The following UBAC1 variants were observed in gnomAD, a reference collection of about 807,000 sequenced individuals.
The protein encoded by UBAC1 is ubiquitin-associated domain-containing protein 1.
Under a neutral mutation model 45.9 loss-of-function variants are expected in UBAC1, and 27 were observed. That is an observed-to-expected ratio of 0.59 (90% confidence interval 0.43 to 0.81). UBAC1 has a LOEUF of 0.81. Among genes scored for constraint, UBAC1 ranks in the 30% least tolerant of loss-of-function variants. UBAC1 has a pLI of 0.00. For missense variants in UBAC1, 529 were observed against 539.2 expected (o/e 0.98, Z 0.19); for synonymous variants, 227 against 215.5 (o/e 1.05, Z -0.47).
chr9:135,938,220 A>G lies in UBAC1; in HGVS notation c.1102+2T>C. On this transcript the variant is annotated splice_donor_variant, in intron 9 of 9. Transcript: ENST00000371756. LOFTEE classifies it high-confidence loss of function. Reference sequence around the variant, plus strand: ...GACTTAGCATAAAGAAGGCGCACATACCTAGCAATGTTTTCGGGTTGGTCA... The same window carrying G: ...GACTTAGCATAAAGAAGGCGCACATGCCTAGCAATGTTTTCGGGTTGGTCA... 6.2e-7 allele frequency: 1 copy of G among 1,613,578 alleles called. No homozygotes were observed. The highest frequency in any genetic ancestry group is 8.5e-7 in the Non-Finnish European group (1 of 1,179,816).
intron 7 of UBAC1, among the ~76,000 whole-genome samples, chr9:135,941,503 G>A (rs1207839250): frequency 6.6e-6 from 1 of 152,212 alleles, no homozygotes; most frequent in African/African-American, 2.4e-5. Flanking sequence ...AACTCTGGAA[G>A]AACCCACCGC....
rs547266280 is a variant in UBAC1 at position 135,933,175 on chromosome 9, AC to A, written c.*224del. 85 of 523,392 alleles carry A rather than the reference AC, an allele frequency of 1.6e-4. 1 individual carries two copies. The South Asian group carries it at 1.9e-3, about 12-fold the overall frequency. 32.4% of individuals were successfully genotyped at this position (523,392 alleles called of 1,614,324 possible). On this transcript the variant is annotated 3_prime_UTR_variant, in exon 10 of 10. Transcript: ENST00000371756. ...CATCACTCCACTTCCCAGTGCGACA[AC>A]CACTTTTTTGTAAACACCTGTCAGA... is the stretch of plus-strand genomic sequence containing the variant.
Position 135,933,550 on chromosome 9 carries a change from GC to G in UBAC1, c.1103-36del, listed in dbSNP as rs762792820. ...AAACAGAGCCAGCCTGAGTGCCCAC[GC>G]CCCCACTCAGCCCACAGGCACAGGC... is the stretch of plus-strand genomic sequence containing the variant. On this transcript the variant is annotated intron_variant, in intron 9 of 9. Coordinates refer to ENST00000371756, the MANE Select transcript of UBAC1 (RefSeq NM_016172.3). 3.9e-6 allele frequency: 6 copies of G among 1,522,178 alleles called. 1 individual carries two copies. The South Asian group carries it at 6.7e-5, about 17-fold the overall frequency. 94.3% of individuals were successfully genotyped at this position (1,522,178 alleles called of 1,614,324 possible). A position where few individuals can be genotyped will look rare whatever the true frequency, so the allele number is the denominator to read the frequency against.
chr9:135,952,431 C>T (rs1178390088), intron 3 of UBAC1, among the ~76,000 whole-genome samples: 3 of 152,246 alleles, frequency 2.0e-5, no homozygotes, highest in Non-Finnish European at 2.9e-5. Context: ...ATGCTCGGCA[C>T]GGGCTCAGGC....
chr9:135,940,307 C>T (rs1054575861), intron 7 of UBAC1, among the ~76,000 whole-genome samples: 29 of 151,704 alleles, frequency 1.9e-4, no homozygotes, highest in East Asian at 3.9e-4. Context: ...GGGCCGGGCG[C>T]GGTGGCTCAC....
At chr9:135,946,437 G>C (rs1232092644) in intron 4 of UBAC1, 66 bp from the exon 5 acceptor site, 5 of 1,017,110 alleles carry the variant, frequency 4.9e-6, no homozygotes, top group Non-Finnish European at 7.8e-6. Context: ...TCTATGACTT[G>C]CTCCCCTGTC....
chr9:135,954,661 A>C (rs1839445135), intron 2 of UBAC1, among the ~76,000 whole-genome samples: 1 of 152,234 alleles, frequency 6.6e-6, no homozygotes, highest in Non-Finnish European at 1.5e-5. Context: ...TAACCGGCTC[A>C]GTTCTGAAAA....
intron 9 of UBAC1, among the ~76,000 whole-genome samples, chr9:135,937,033 A>G (rs1429703882): frequency 1.3e-5 from 2 of 152,342 alleles, no homozygotes; most frequent in African/African-American, 2.4e-5. Flanking sequence ...TCTCACAGCC[A>G]AGGTTCTACA....
Position 135,961,032 on chromosome 9 carries a change from A to G in UBAC1, c.131T>C (p.Leu44Pro). 1 of 1,564,384 alleles carries G rather than the reference A, an allele frequency of 6.4e-7. No individual in the cohort carries two copies. Among genetic ancestry groups the G allele is most frequent in the South Asian group, 1.2e-5 (1 of 86,518 alleles). The change falls in exon 1 of 10, where the codon CTC (leucine) becomes CCC (proline). Residue 44 changes from leucine to proline, a missense_variant. Coordinates refer to ENST00000371756, the MANE Select transcript of UBAC1 (RefSeq NM_016172.3). ...TSVEKLKERC[L>P]KHCAHGSLED... ...GAGGGGGCCCGGCCTTACGTGCTTG[A>G]GGCAGCGCTCCTTGAGCTTCTCCAC...
chr9:135,947,948 G>A (rs1209370677), intron 3 of UBAC1, 43 bp from the exon 4 acceptor site: 3 of 1,563,162 alleles, frequency 1.9e-6, no homozygotes, highest in Non-Finnish European at 8.7e-7. Context: ...GAACGTAAGA[G>A]CAGCAAAAAG....
At chr9:135,934,635 G>T (rs570104915) in intron 9 of UBAC1, among the ~76,000 whole-genome samples, 1 of 152,260 alleles carries the variant, frequency 6.6e-6, no homozygotes, top group Admixed American at 6.5e-5. Flanking sequence ...ACTCCAGCCT[G>T]GGCAGCAGAG....
In UBAC1 at chr9:135,961,111, T is replaced by G. The variant is rs771075771; in HGVS notation, c.52A>C (p.Ile18Leu). Residue 18 changes from isoleucine to leucine, a missense_variant, in exon 1 of 10, where the codon ATC becomes CTC. Ile to Leu is a conservative substitution (Grantham distance 5, BLOSUM62 2). Coordinates refer to ENST00000371756, the MANE Select transcript of UBAC1 (RefSeq NM_016172.3). ...CACTCGGCGCCGTCGGACGCGCAGATGTGCAGCCGCAGCACCTTGCCCGCG... is the reference window on the plus strand; with the variant it reads ...CACTCGGCGCCGTCGGACGCGCAGAGGTGCAGCCGCAGCACCTTGCCCGCG... ...IFAGKVLRLHICASDGAEWLE... is the reference protein window; with the variant it reads ...IFAGKVLRLHLCASDGAEWLE... The G allele has an allele frequency of 3.3e-5, 52 of 1,590,620 alleles. No individual in the cohort carries two copies. Among genetic ancestry groups the G allele is most frequent in the Middle Eastern group, 3.4e-4 (2 of 5,930 alleles).
At chr9:135,948,088 G>A (rs984869244) in intron 3 of UBAC1, 183 bp from the exon 4 acceptor site, 19 of 580,558 alleles carry the variant, frequency 3.3e-5, no homozygotes, top group East Asian at 5.9e-5. Flanking sequence ...GACAGCAGAC[G>A]TGTCCTCAGC....
rs1193230623 is a variant in UBAC1, at chr9:135,959,439, A to G, written c.138+1586T>C. Among the ~76,000 whole-genome samples the G allele has an allele frequency of 2.9e-5, 4 of 137,260 alleles. No homozygotes were observed. In the South Asian group the frequency reaches 9.1e-4, roughly 31 times the overall value. 90.0% of individuals were successfully genotyped at this position (137,260 alleles called of 152,430 possible). A position where few individuals can be genotyped will look rare whatever the true frequency, so the allele number is the denominator to read the frequency against. ...CGCCAGGCTGGAGTGCAGTGGCGCGATCTCATCTCACTGCAACCTCCGCCT... is the reference window on the plus strand; with the variant it reads ...CGCCAGGCTGGAGTGCAGTGGCGCGGTCTCATCTCACTGCAACCTCCGCCT... On this transcript the variant is annotated intron_variant, in intron 1 of 9. Coordinates refer to ENST00000371756, the MANE Select transcript of UBAC1 (RefSeq NM_016172.3).
chr9:135,944,445 C>T (rs1260751162), intron 7 of UBAC1, among the ~76,000 whole-genome samples: 1 of 152,206 alleles, frequency 6.6e-6, no homozygotes, highest in Non-Finnish European at 1.5e-5. Context: ...CGGAGACAGA[C>T]AGAAACCTCC....
chr9:135,955,308 G>A lies in UBAC1; in HGVS notation c.246C>T (p.Asn82=). 6.3e-7 allele frequency: 1 copy of A among 1,586,574 alleles called. No individual in the cohort carries two copies. Among genetic ancestry groups the A allele is most frequent in the Non-Finnish European group, 8.5e-7 (1 of 1,170,636 alleles). The change falls in exon 2 of 10, where the codon AAC becomes AAT. Residue 82 remains asparagine (N), a synonymous_variant. Transcript: ENST00000371756. ...LSDARTILEE[N]IQDQDVLLLI... is the part of the protein sequence containing the mutation. ...CAGCAGCCTTACCTTGGTCCTGGAT[G>A]TTCTCTTCCAGGATGGTCCTGGCAT...
intron 3 of UBAC1, among the ~76,000 whole-genome samples, chr9:135,949,647 G>A (rs976881161): frequency 2.0e-5 from 3 of 152,188 alleles, no homozygotes; most frequent in Admixed American, 6.5e-5. Flanking sequence ...CCTGGCACCC[G>A]AGGAAGTCAG....
At chr9:135,957,221 C>T (rs1044569427) in intron 1 of UBAC1, among the ~76,000 whole-genome samples, 15 of 152,072 alleles carry the variant, frequency 9.9e-5, no homozygotes, top group African/African-American at 3.4e-4. Context: ...ACTGGCCAGG[C>T]TGAGGGGATG....
chr9:135,938,887 G>A (rs1388999045), intron 8 of UBAC1, among the ~76,000 whole-genome samples: 1 of 152,242 alleles, frequency 6.6e-6, no homozygotes, highest in East Asian at 1.9e-4. Context: ...CACGGGCACA[G>A]GACGGGAATC....
Sources: allele counts gnomAD v4.1 joint callset (sites outside exome capture counted in the v4.1 genomes callset), GRCh38; gene constraint gnomAD v4.1.1; transcripts MANE v1.5; gene names NCBI Gene and HGNC (gene_info 2026-07-23, HGNC 2026-07-21).